The following AMBN variants were observed in gnomAD, a reference collection of about 807,000 sequenced individuals.
AMBN encodes enamel matrix protein.
In AMBN, 54 loss-of-function variants were observed where a neutral mutation model predicts 48.0. The ratio of observed to expected loss-of-function variants is 1.12; its 90% CI spans 0.90 to 1.41. The LOEUF is 1.41. Ranked by LOEUF, AMBN falls within the 40% of genes most tolerant of loss-of-function variation. The pLI, the probability that AMBN is intolerant of heterozygous loss-of-function variation, is 0.00. For missense variants in AMBN, 571 were observed against 547.3 expected (o/e 1.04, Z -0.43); for synonymous variants, 186 against 190.0 (o/e 0.98, Z 0.17).
intron 4 of AMBN, among the ~76,000 whole-genome samples, chr4:70,599,104 C>G (rs993853724): frequency 1.3e-5 from 2 of 151,480 alleles, no homozygotes; most frequent in Admixed American, 1.3e-4. Context: ...TAACCAACAT[C>G]ACTTTTGCTT....
Position 70,606,495 on chromosome 4 carries a change from G to A in AMBN, c.1109G>A (p.Gly370Glu), listed in dbSNP as rs769911881. 8 of 1,613,972 alleles carry A rather than the reference G, an allele frequency of 5.0e-6. No homozygotes were observed. The highest frequency in any genetic ancestry group is 6.8e-6 in the Non-Finnish European group (8 of 1,179,988). ...DIPGLPRSPS[G>E]KMKGLPSVTP... is the part of the protein sequence containing the mutation. ...CCCGGCCTGCCAAGGAGCCCTTCAG[G>A]GAAGATGAAGGGACTCCCCAGCGTC... The change falls in exon 13 of 13, where the codon GGG becomes GAG. Residue 370 changes from glycine to glutamate, a missense_variant. Physicochemically the swap from Gly to Glu is moderately conservative, Grantham distance 98 (BLOSUM62 -2). Coordinates refer to ENST00000322937, the MANE Select transcript of AMBN (RefSeq NM_016519.6).
intron 2 of AMBN, among the ~76,000 whole-genome samples, chr4:70,594,050 G>T (rs531420264): frequency 6.6e-6 from 1 of 152,110 alleles, no homozygotes; most frequent in Non-Finnish European, 1.5e-5. Flanking sequence ...GAAATGGAAA[G>T]AGGAAATTTC....
chr4:70,596,972 C>T (rs778896618), intron 2 of AMBN, 27 bp from the exon 3 acceptor site: 1 of 1,606,590 alleles, frequency 6.2e-7, no homozygotes, highest in South Asian at 1.1e-5. Context: ...ACCAATAAGA[C>T]TCAAAATTAT....
chr4:70,602,975 C>T lies in AMBN; in HGVS notation c.613C>T (p.Pro205Ser), dbSNP rs760724796. Residue 205 changes from proline to serine, a missense_variant, in exon 9 of 13, where the codon CCA becomes TCA. Transcript: ENST00000322937. ...TTAATATTTATCTGTAATATAGCTC[C>T]CAGGATTGGATTTTGCTGATCCACA... ...DFPDPQGPSL[P>S]GLDFADPQGS... 3.1e-6 allele frequency: 5 copies of T among 1,603,482 alleles called. No homozygotes were observed. Among genetic ancestry groups the T allele is most frequent in the Admixed American group, 1.7e-5 (1 of 59,236 alleles).
intron 12 of AMBN, among the ~76,000 whole-genome samples, chr4:70,604,547 T>C (rs1737597216): frequency 6.6e-6 from 1 of 152,192 alleles, no homozygotes. Flanking sequence ...AAAAGCTATA[T>C]TGAATTAACA....
chr4:70,597,587 G>T (rs1029821875), intron 3 of AMBN, among the ~76,000 whole-genome samples: 3 of 151,886 alleles, frequency 2.0e-5, no homozygotes, highest in African/African-American at 7.3e-5. Flanking sequence ...AGAAATTTTG[G>T]TCATGTCAAT....
At chr4:70,605,521 G>A (rs1348718564) in intron 12 of AMBN, among the ~76,000 whole-genome samples, 1 of 152,112 alleles carries the variant, frequency 6.6e-6, no homozygotes, top group Admixed American at 6.5e-5. Flanking sequence ...AGCAAAGGTA[G>A]AAAAAGAAAC....
chr4:70,604,005 T>C (rs979861748), intron 12 of AMBN, 84 bp downstream of exon 12: 2 of 1,383,648 alleles, frequency 1.4e-6, no homozygotes, highest in African/African-American at 1.4e-5. Context: ...ACGTCTGCCA[T>C]GAATGTAGCC....
intron 10 of AMBN, 23 bp downstream of exon 10, chr4:70,603,342 T>C (rs373422008): frequency 1.2e-6 from 2 of 1,613,252 alleles, no homozygotes; most frequent in Non-Finnish European, 1.7e-6. Context: ...TAATACCACA[T>C]CTCTGTTTGC....
At chr4:70,601,200 G>A (rs1337980976) in intron 5 of AMBN, among the ~76,000 whole-genome samples, 3 of 152,104 alleles carry the variant, frequency 2.0e-5, no homozygotes, top group Non-Finnish European at 4.4e-5. Context: ...ACCTTTACGA[G>A]CAATGGTGGT....
At chr4:70,603,680 T>TA (rs1401714249) in intron 11 of AMBN, among the ~76,000 whole-genome samples, 197 bp from the exon 12 acceptor site, 1 of 151,938 alleles carries the variant, frequency 6.6e-6, no homozygotes, top group Non-Finnish European at 1.5e-5. Flanking sequence ...ACAAGGGTAT[T>TA]AAAGAAAAAA....
chr4:70,605,123 G>A (rs1164636303), intron 12 of AMBN, among the ~76,000 whole-genome samples: 2 of 152,086 alleles, frequency 1.3e-5, no homozygotes, highest in Non-Finnish European at 2.9e-5. Context: ...GAGAGAAAGA[G>A]TCAGAGAGGA....
intron 3 of AMBN, 103 bp from the exon 4 acceptor site, chr4:70,598,253 T>C (rs779579689): frequency 2.0e-5 from 14 of 691,822 alleles, no homozygotes; most frequent in Middle Eastern, 2.9e-4. Flanking sequence ...ATTAAATTGA[T>C]TCACACCAAA....
In AMBN at chr4:70,597,027, G is replaced by T. The variant is rs1380959742; in HGVS notation, c.113G>T (p.Gly38Val). 1 of 1,613,384 alleles carries T rather than the reference G, an allele frequency of 6.2e-7. No homozygotes were observed. Among genetic ancestry groups the T allele is most frequent in the Non-Finnish European group, 8.5e-7 (1 of 1,179,598 alleles). The change falls in exon 3 of 13, where the codon GGT becomes GTT. Residue 38 changes from glycine to valine, a missense_variant. By Grantham distance (109) the Gly-to-Val change is moderately radical (BLOSUM62 -3). Coordinates refer to ENST00000322937, the MANE Select transcript of AMBN (RefSeq NM_016519.6). ...TTTCCTCAGCAATCTGGAACACCGGGTATGGCTAGTTTGAGCCTTGAGGTA... is the reference window on the plus strand; with the variant it reads ...TTTCCTCAGCAATCTGGAACACCGGTTATGGCTAGTTTGAGCCTTGAGGTA... ...PFFPQQSGTP[G>V]MASLSLETMR...
intron 5 of AMBN, among the ~76,000 whole-genome samples, 187 bp from the exon 6 acceptor site, chr4:70,601,231 C>T (rs1737512679): frequency 6.6e-6 from 1 of 152,120 alleles, no homozygotes; most frequent in South Asian, 2.1e-4. Context: ...GTAGGGGAGG[C>T]ACACACAAGA....
intron 2 of AMBN, among the ~76,000 whole-genome samples, chr4:70,596,106 A>G (rs1249309068): frequency 6.6e-6 from 1 of 152,094 alleles, no homozygotes; most frequent in Non-Finnish European, 1.5e-5. Flanking sequence ...CCTGGCCAAC[A>G]TGGTGAAACT....
intron 2 of AMBN, among the ~76,000 whole-genome samples, chr4:70,593,846 C>T (rs986305591): frequency 7.2e-6 from 1 of 139,698 alleles, no homozygotes; most frequent in Non-Finnish European, 1.5e-5. Flanking sequence ...GCCTGGGTGA[C>T]GGAGTGAGAC....
rs143940501 is a variant in AMBN at position 70,603,450 on chromosome 4, C to T, written c.743C>T (p.Ala248Val). Residue 248 changes from alanine (A) to valine (V), a missense_variant, in exon 11 of 13, where the codon GCA becomes GTA. Transcript: ENST00000322937. ...YPGMLYVPFG[A>V]NQLNAPARLG... is the part of the protein sequence containing the mutation. ...GGAATGTTGTACGTGCCTTTTGGAGCAAATCAATTGGTAAGTCCATATTCT... is the reference window on the plus strand; with the variant it reads ...GGAATGTTGTACGTGCCTTTTGGAGTAAATCAATTGGTAAGTCCATATTCT... 1.3e-3 allele frequency: 2,023 copies of T among 1,611,932 alleles called. 1 individual carries two copies. Among genetic ancestry groups the T allele is most frequent in the Non-Finnish European group, 1.6e-3 (1,831 of 1,179,520 alleles).
In AMBN at chr4:70,598,399, C is replaced by T. The variant is rs777442798; in HGVS notation, c.179C>T (p.Ser60Phe). ...AGTCTGCAGAGATTAAACACACTTT[C>T]TCAGGTAATCATATTTCTTATTGCA... The part of the protein sequence containing the change: ...LGSLQRLNTL[S>F]QYSRYGFGKS... Residue 60 changes from serine to phenylalanine, a missense_variant, in exon 4 of 13, where the codon TCT becomes TTT. Transcript: ENST00000322937. The T allele has an allele frequency of 6.3e-7, 1 of 1,586,328 alleles. No homozygotes were observed. Among genetic ancestry groups the T allele is most frequent in the South Asian group, 1.2e-5 (1 of 86,008 alleles).
Sources: allele counts gnomAD v4.1 joint callset (sites outside exome capture counted in the v4.1 genomes callset), GRCh38; gene constraint gnomAD v4.1.1; transcripts MANE v1.5; gene names NCBI Gene and HGNC (gene_info 2026-07-23, HGNC 2026-07-21).